HTR6: variants seen among roughly 807,000 people sequenced by gnomAD.
HTR6 encodes the protein 5-hydroxytryptamine (serotonin) receptor 6, G protein-coupled.
Under a neutral mutation model 17.4 loss-of-function variants are expected in HTR6, and 15 were observed. The observed-to-expected ratio is 0.86, with a 90% CI of 0.58 to 1.33. The LOEUF is 1.33. Ranked by LOEUF, HTR6 falls within the 40% of genes most tolerant of loss-of-function variation. HTR6 has a pLI of 0.00. For synonymous variants in HTR6, 326 were observed against 295.5 expected (o/e 1.10, Z -1.06); for missense variants, 578 against 616.0 (o/e 0.94, Z 0.65).
chr1:19,668,886 T>G (rs979481745), intron 1 of HTR6, among the ~76,000 whole-genome samples: 2 of 152,246 alleles, frequency 1.3e-5, no homozygotes, highest in Non-Finnish European at 2.9e-5. Context: ...GCCCTATCAC[T>G]GAAATGCAGC....
intron 1 of HTR6, among the ~76,000 whole-genome samples, chr1:19,674,918 G>A (rs939325352): frequency 6.6e-6 from 1 of 152,232 alleles, no homozygotes; most frequent in Non-Finnish European, 1.5e-5. Context: ...AGATGCAAAC[G>A]ACAGGACATG....
At chr1:19,667,409 T>G (rs1409371784) in intron 1 of HTR6, among the ~76,000 whole-genome samples, 2 of 152,110 alleles carry the variant, frequency 1.3e-5, no homozygotes, top group Non-Finnish European at 2.9e-5. Context: ...TTGCTTTTTT[T>G]TTTGTTTTTG....
chr1:19,679,215 G>T lies in HTR6; in HGVS notation c.1170G>T (p.Ser390=), dbSNP rs199755130. The T allele has an allele frequency of 2.6e-5, 41 of 1,568,156 alleles. No homozygotes were observed. The African/African-American group carries it at 4.8e-4, about 18-fold the overall frequency. ...SDSDAGSGGS[S]GLRLTAQLLL... Reference sequence around the variant, plus strand: ...CAGACGCAGGCTCAGGCGGCTCCTCGGGCCTGCGGCTCACGGCCCAGCTGC... The same window carrying T: ...CAGACGCAGGCTCAGGCGGCTCCTCTGGCCTGCGGCTCACGGCCCAGCTGC... Residue 390 remains serine, a synonymous_variant, in exon 3 of 3, where the codon TCG becomes TCT. Coordinates refer to ENST00000289753, the MANE Select transcript of HTR6 (RefSeq NM_000871.3). The surrounding 1 kb of genome is among the most constrained non-coding windows in gnomAD (Gnocchi z 4.9).
chr1:19,678,695 G>T lies in HTR6; in HGVS notation c.843G>T (p.Trp281Cys), dbSNP rs1404767868. 1 of 1,612,648 alleles carries T rather than the reference G, an allele frequency of 6.2e-7. No homozygotes were observed. The highest frequency in any genetic ancestry group is 1.1e-5 in the South Asian group (1 of 91,048). ...TGCTGGGCATGTTCTTTGTGACCTGGTTGCCCTTCTTTGTGGCCAACATAG... is the reference window on the plus strand; with the variant it reads ...TGCTGGGCATGTTCTTTGTGACCTGTTTGCCCTTCTTTGTGGCCAACATAG... ...GILLGMFFVT[W>C]LPFFVANIVQ... The change falls in exon 2 of 3, where the codon TGG becomes TGT. Residue 281 changes from tryptophan to cysteine, a missense_variant. Physicochemically the swap from Trp to Cys is radical, Grantham distance 215 (BLOSUM62 -2). Transcript: ENST00000289753.
chr1:19,670,370 C>A (rs184436922), intron 1 of HTR6, among the ~76,000 whole-genome samples: 1 of 151,954 alleles, frequency 6.6e-6, no homozygotes, highest in African/African-American at 2.4e-5. Flanking sequence ...CCTCCTACCC[C>A]CTGACGTGTT....
At chr1:19,668,468 T>C (rs1446863544) in intron 1 of HTR6, among the ~76,000 whole-genome samples, 1 of 152,146 alleles carries the variant, frequency 6.6e-6, no homozygotes, top group Non-Finnish European at 1.5e-5. Context: ...GTTACAGGCT[T>C]CCCTGGGTTC....
rs1048829542 is a variant in HTR6, at chr1:19,679,712, G to A, written c.*344G>A. The A allele has an allele frequency of 2.0e-5, 6 of 297,372 alleles. No individual in the cohort carries two copies. Among genetic ancestry groups the A allele is most frequent in the East Asian group, 6.1e-5 (1 of 16,512 alleles). 18.4% of individuals were successfully genotyped at this position (297,372 alleles called of 1,614,324 possible). ...CTTTGCCCATTCTGTCAGGCTGGAC[G>A]GGAGGGAATGCCCCCACCTGCAGGC... is the stretch of plus-strand genomic sequence containing the variant. On this transcript the variant is annotated 3_prime_UTR_variant, in exon 3 of 3. Coordinates refer to ENST00000289753, the MANE Select transcript of HTR6 (RefSeq NM_000871.3). The surrounding 1 kb of genome is among the most constrained non-coding windows in gnomAD (Gnocchi z 4.9).
At chr1:19,673,412 C>T (rs770810117) in intron 1 of HTR6, among the ~76,000 whole-genome samples, 1 of 152,176 alleles carries the variant, frequency 6.6e-6, no homozygotes, top group Non-Finnish European at 1.5e-5. Flanking sequence ...ATGATGGTAA[C>T]AAAATTTAAT....
At position 19,665,682 on chromosome 1, in the gene HTR6, C is replaced by A; in HGVS notation, c.-72C>A. ...TTCTCACGGACGGTCCCCGTCCAGC[C>A]TGCGCTTCGCCGGGGCCCTCATCTG... On this transcript the variant is annotated 5_prime_UTR_variant, in exon 1 of 3. In the 5' UTR this introduces an upstream ATG that the reference lacks. Transcript: ENST00000289753. The surrounding 1 kb of genome is among the most constrained non-coding windows in gnomAD (Gnocchi z 4.2). 1 of 1,044,230 alleles carries A rather than the reference C, an allele frequency of 9.6e-7. No homozygotes were observed. The highest frequency in any genetic ancestry group is 1.4e-6 in the Non-Finnish European group (1 of 733,498). The allele number at this position is 1,044,230 out of a possible 1,614,324, so 64.7% of individuals were successfully genotyped here. A position where few individuals can be genotyped will look rare whatever the true frequency, so the allele number is the denominator to read the frequency against.
intron 1 of HTR6, among the ~76,000 whole-genome samples, chr1:19,676,271 G>A (rs2095094380): frequency 6.6e-6 from 1 of 152,192 alleles, no homozygotes; most frequent in Non-Finnish European, 1.5e-5. Flanking sequence ...TTTTGCAGAT[G>A]TGGAAACAGA....
rs2095079387 is a variant in HTR6 at position 19,665,219 on chromosome 1, T to A, written c.-535T>A. The A allele has an allele frequency of 6.6e-6, 1 of 152,204 alleles. No homozygotes were observed. The highest frequency in any genetic ancestry group is 2.4e-5 in the African/African-American group (1 of 41,374). The allele number at this position is 152,204 out of a possible 1,614,324, so 9.4% of individuals were successfully genotyped here. Reference sequence around the variant, plus strand: ...AGACCTGCCTTTCCCAGGGGCGGCTTTGCTCCGGCCCCTAGGCCCCCGCCC... The same window carrying A: ...AGACCTGCCTTTCCCAGGGGCGGCTATGCTCCGGCCCCTAGGCCCCCGCCC... On this transcript the variant is annotated 5_prime_UTR_variant, in exon 1 of 3. It adds an upstream start codon to the 5' untranslated region. Coordinates refer to ENST00000289753, the MANE Select transcript of HTR6 (RefSeq NM_000871.3). This position sits in a 1 kb window ranked among gnomAD's most constrained non-coding sequence, Gnocchi z 4.2.
At chr1:19,670,482 TGAG>T (rs2095086836) in intron 1 of HTR6, among the ~76,000 whole-genome samples, 1 of 145,026 alleles carries the variant, frequency 6.9e-6, no homozygotes, top group African/African-American at 2.6e-5. Context: ...TTTTTTTTTT[TGAG>T]ACAGAGTCTC....
rs6660215 is a variant in HTR6, at chr1:19,666,296, C to T, written c.543C>T (p.Arg181=). Residue 181 remains arginine (R), a synonymous_variant, in exon 1 of 3, where the codon CGC becomes CGT. Coordinates refer to ENST00000289753, the MANE Select transcript of HTR6 (RefSeq NM_000871.3). This position sits in a 1 kb window ranked among gnomAD's most constrained non-coding sequence, Gnocchi z 4.5. ...GGCCACCCGTCCCTGGCCAGTGCCG[C>T]CTGCTGGCCAGCCTGCCTTTTGTCC... The part of the protein sequence containing the change: ...HARPPVPGQC[R]LLASLPFVLV... The T allele has an allele frequency of 1.1e-3, 1,792 of 1,612,798 alleles. 18 individuals are homozygous for T. In the African/African-American group the frequency reaches 0.02, roughly 18 times the overall value.
In HTR6 at chr1:19,677,339, G is replaced by C. The variant is rs568791917; in HGVS notation, c.715-1228G>C. On this transcript the variant is annotated intron_variant, in intron 1 of 2. Transcript: ENST00000289753. The stretch of plus-strand genomic sequence containing the variant: ...CCAGCTCAGAGAGCCCTTTGGGACT[G>C]TGGGGGCCAGTTTGCAAAGTCAAAT... Among the ~76,000 whole-genome samples the C allele has an allele frequency of 3.3e-5, 5 of 152,304 alleles. No individual in the cohort carries two copies. In the South Asian group the frequency reaches 1.0e-3, roughly 32 times the overall value.
intron 1 of HTR6, among the ~76,000 whole-genome samples, chr1:19,675,712 G>A (rs908896212): frequency 2.6e-5 from 4 of 152,058 alleles, no homozygotes; most frequent in African/African-American, 9.7e-5. Context: ...AAGGGTCAGA[G>A]CGATGCCTGG....
Position 19,679,464 on chromosome 1 carries a change from G to C in HTR6, c.*96G>C. The C allele has an allele frequency of 7.0e-7, 1 of 1,436,886 alleles. No individual in the cohort carries two copies. Among genetic ancestry groups the C allele is most frequent in the Non-Finnish European group, 9.1e-7 (1 of 1,095,816 alleles). The allele number at this position is 1,436,886 out of a possible 1,614,324, so 89.0% of individuals were successfully genotyped here. On this transcript the variant is annotated 3_prime_UTR_variant, in exon 3 of 3. Transcript: ENST00000289753. The surrounding 1 kb of genome is among the most constrained non-coding windows in gnomAD (Gnocchi z 4.9). ...CTTGGCTAAGACCAGGAGGCTGCAAGTCTCCTAGAAGCCCTCTGAGCTCCA... is the reference window on the plus strand; with the variant it reads ...CTTGGCTAAGACCAGGAGGCTGCAACTCTCCTAGAAGCCCTCTGAGCTCCA...
rs2095082215 is a variant in HTR6, at chr1:19,666,779, T to C, written c.714+312T>C. Among the ~76,000 whole-genome samples the C allele has an allele frequency of 6.6e-6, 1 of 152,038 alleles. No homozygotes were observed. The highest frequency in any genetic ancestry group is 2.4e-5 in the African/African-American group (1 of 41,404). ...CAAATGGCACCATTGCGGCATCACA[T>C]GCCAGGAACTTAGGAATACTTTTCT... On this transcript the variant is annotated intron_variant, in intron 1 of 2. Transcript: ENST00000289753. This position sits in a 1 kb window ranked among gnomAD's most constrained non-coding sequence, Gnocchi z 4.5.
Position 19,666,201 on chromosome 1 carries a change from G to T in HTR6, c.448G>T (p.Ala150Ser), listed in dbSNP as rs8192530. 11 of 1,609,478 alleles carry T rather than the reference G, an allele frequency of 6.8e-6. No individual in the cohort carries two copies. The South Asian group carries it at 1.2e-4, about 18-fold the overall frequency. Residue 150 changes from alanine to serine, a missense_variant, in exon 1 of 3, where the codon GCC becomes TCC. Transcript: ENST00000289753. The surrounding 1 kb of genome is among the most constrained non-coding windows in gnomAD (Gnocchi z 4.5). ...GCGTGCCCTGGCCCTAGTCCTGGGCGCCTGGAGCCTCGCCGCTCTCGCCTC... is the reference window on the plus strand; with the variant it reads ...GCGTGCCCTGGCCCTAGTCCTGGGCTCCTGGAGCCTCGCCGCTCTCGCCTC... ...PLRALALVLGAWSLAALASFL... is the reference protein window; with the variant it reads ...PLRALALVLGSWSLAALASFL...
chr1:19,671,144 G>A (rs2095087521), intron 1 of HTR6, among the ~76,000 whole-genome samples: 1 of 152,126 alleles, frequency 6.6e-6, no homozygotes, highest in Non-Finnish European at 1.5e-5. Flanking sequence ...GCTTATAGGA[G>A]GGATGCTTCA....
Sources: allele counts gnomAD v4.1 joint callset (sites outside exome capture counted in the v4.1 genomes callset), GRCh38; gene constraint gnomAD v4.1.1; non-coding constraint Gnocchi (gnomAD v3.1); transcripts MANE v1.5; gene names NCBI Gene and HGNC (gene_info 2026-07-23, HGNC 2026-07-21).